Variants in HEMK2 observed in about 807,000 individuals in gnomAD.
HEMK2 encodes the protein methyltransferase HEMK2.
chr21:28,686,786 G>A, the HEMK2 span, among the ~76,000 whole-genome samples: 4 of 152,176 alleles, frequency 2.6e-5, no homozygotes, highest in African/African-American at 4.8e-5. Flanking sequence ...CATCTGGATT[G>A]AAGGGAATCA....
chr21:28,727,199 T>C, the HEMK2 span, among the ~76,000 whole-genome samples: 1 of 152,182 alleles, frequency 6.6e-6, no homozygotes, highest in Admixed American at 6.5e-5. Context: ...ATCTGGAGGT[T>C]GATTTTGTTG....
the HEMK2 span, among the ~76,000 whole-genome samples, chr21:28,698,236 T>C: frequency 6.6e-6 from 1 of 152,208 alleles, no homozygotes; most frequent in Non-Finnish European, 1.5e-5. Flanking sequence ...GCCAACTGTG[T>C]TTGAATCACT....
chr21:28,884,135 G>C, the HEMK2 span, among the ~76,000 whole-genome samples: 2 of 152,136 alleles, frequency 1.3e-5, no homozygotes, highest in Admixed American at 6.5e-5. Context: ...TAAATAATTA[G>C]AATTCCAAAC....
At chr21:28,605,784 C>G in the HEMK2 span, among the ~76,000 whole-genome samples, 1 of 151,994 alleles carries the variant, frequency 6.6e-6, no homozygotes, top group Non-Finnish European at 1.5e-5. Flanking sequence ...CATTTTAAGG[C>G]CAGTTTTGAT....
At chr21:28,766,645 T>C in the HEMK2 span, among the ~76,000 whole-genome samples, 9 of 151,952 alleles carry the variant, frequency 5.9e-5, no homozygotes, top group African/African-American at 1.2e-4. Context: ...AAATACGGTA[T>C]ATATACACCA....
At chr21:28,809,136 G>A in the HEMK2 span, among the ~76,000 whole-genome samples, 11 of 152,110 alleles carry the variant, frequency 7.2e-5, no homozygotes, top group Non-Finnish European at 1.5e-4. Flanking sequence ...TTGCTGATTA[G>A]TAGTATAAAC....
chr21:28,641,267 TAGA>T, the HEMK2 span, among the ~76,000 whole-genome samples: 1 of 152,174 alleles, frequency 6.6e-6, no homozygotes, highest in African/African-American at 2.4e-5. Context: ...TCCATAAAGA[TAGA>T]AGAAGTCAGG....
chr21:28,703,405 C>A, the HEMK2 span, among the ~76,000 whole-genome samples: 1 of 152,038 alleles, frequency 6.6e-6, no homozygotes, highest in Admixed American at 6.6e-5. Flanking sequence ...GCATTATTAT[C>A]CTGGTTTTGC....
At chr21:28,877,168 AAG>A in the HEMK2 span, among the ~76,000 whole-genome samples, 1 of 135,942 alleles carries the variant, frequency 7.4e-6, no homozygotes, top group Admixed American at 7.2e-5. Context: ...AAGAGAAAGA[AAG>A]AAAGAAAGAG....
the HEMK2 span, among the ~76,000 whole-genome samples, chr21:28,600,143 C>T: frequency 3.0e-4 from 46 of 152,192 alleles, no homozygotes; most frequent in African/African-American, 9.4e-4. Flanking sequence ...CTTCATTAGG[C>T]CCCAGTGGGG....
chr21:28,649,491 T>C, the HEMK2 span, among the ~76,000 whole-genome samples: 1 of 152,130 alleles, frequency 6.6e-6, no homozygotes, highest in African/African-American at 2.4e-5. Flanking sequence ...AGGTAACAAA[T>C]AAGACAAAGT....
chr21:28,661,197 A>G, the HEMK2 span, among the ~76,000 whole-genome samples: 1 of 152,140 alleles, frequency 6.6e-6, no homozygotes, highest in Middle Eastern at 3.4e-3. Context: ...TTGATGTCTA[A>G]TTAATTTATG....
At chr21:28,878,318 T>C in the HEMK2 span, 4 of 1,613,422 alleles carry the variant, frequency 2.5e-6, no homozygotes, top group Non-Finnish European at 3.4e-6. Flanking sequence ...GCTGCCTCTA[T>C]TCCGTGACTT....
At chr21:28,847,416 ATCT>A in the HEMK2 span, among the ~76,000 whole-genome samples, 1 of 152,204 alleles carries the variant, frequency 6.6e-6, no homozygotes, top group Non-Finnish European at 1.5e-5. Context: ...CCATGGTTAC[ATCT>A]TCTTCTGAAA....
the HEMK2 span, among the ~76,000 whole-genome samples, chr21:28,863,076 G>A: frequency 6.6e-6 from 1 of 152,084 alleles, no homozygotes; most frequent in African/African-American, 2.4e-5. Context: ...ACAAAGGATT[G>A]ATCCTGGGTG....
the HEMK2 span, among the ~76,000 whole-genome samples, chr21:28,836,121 C>T: frequency 6.6e-6 from 1 of 152,088 alleles, no homozygotes; most frequent in Non-Finnish European, 1.5e-5. Context: ...CATGTAAATA[C>T]AAGAAGCACA....
At chr21:28,639,682 C>T in the HEMK2 span, among the ~76,000 whole-genome samples, 1 of 152,150 alleles carries the variant, frequency 6.6e-6, no homozygotes, top group Admixed American at 6.5e-5. Context: ...GACTAGTATA[C>T]ATACTTTTAA....
the HEMK2 span, among the ~76,000 whole-genome samples, chr21:28,586,459 G>GC: frequency 3.3e-5 from 5 of 152,156 alleles, no homozygotes; most frequent in African/African-American, 1.2e-4. Flanking sequence ...GATAGTATAA[G>GC]ATGATTGCTT....
At chr21:28,720,590 G>A in the HEMK2 span, among the ~76,000 whole-genome samples, 5 of 152,118 alleles carry the variant, frequency 3.3e-5, no homozygotes, top group African/African-American at 1.2e-4. Flanking sequence ...AAAATTAGCT[G>A]GGCATGGTGG....
Sources: allele counts gnomAD v4.1 joint callset (sites outside exome capture counted in the v4.1 genomes callset), GRCh38; gene constraint gnomAD v4.1.1; transcripts MANE v1.5; gene names NCBI Gene and HGNC (gene_info 2026-07-23, HGNC 2026-07-21).